Variants in RSRC1 observed in about 807,000 individuals in gnomAD.
RSRC1 encodes the protein serine/Arginine-related protein 53.
In RSRC1, 39 loss-of-function variants were observed where a neutral mutation model predicts 49.1. The ratio of observed to expected loss-of-function variants is 0.79; its 90% confidence interval spans 0.61 to 1.04. RSRC1 has a LOEUF of 1.04. Among genes scored for constraint, RSRC1 ranks in the 50% least tolerant of loss-of-function variants. The probability of loss-of-function intolerance (pLI) is 0.00; values close to 1 mark genes in which losing one functional copy is unlikely to be tolerated. For missense variants in RSRC1, 388 were observed against 402.4 expected (o/e 0.96, Z 0.31); for synonymous variants, 143 against 130.8 (o/e 1.09, Z -0.63).
At chr3:158,531,191 A>G (rs371796241) in intron 7 of RSRC1, among the ~76,000 whole-genome samples, 11 of 151,716 alleles carry the variant, frequency 7.3e-5, no homozygotes, top group African/African-American at 2.4e-4. Flanking sequence ...AGAGATTTGC[A>G]AGGCAGCATA....
intron 3 of RSRC1, among the ~76,000 whole-genome samples, chr3:158,149,351 A>G (rs1204753099): frequency 1.3e-5 from 2 of 152,116 alleles, no homozygotes; most frequent in East Asian, 1.9e-4. Flanking sequence ...TAATTCTTAT[A>G]TGGGATGAGC....
Position 158,145,962 on chromosome 3 carries a change from T to G in RSRC1, c.320+21971T>G, listed in dbSNP as rs1038107020. On this transcript the variant is annotated intron_variant, in intron 3 of 9. Transcript: ENST00000611884. ...TATTGGTGTATAAGAATGCTTGTGA[T>G]GTTTGCACATTGATTTTGTATCCTG... Among the ~76,000 whole-genome samples, 3 of 152,344 alleles carry G rather than the reference T, an allele frequency of 2.0e-5. No individual in the cohort carries two copies. In the South Asian group the frequency reaches 6.2e-4, roughly 32 times the overall value.
intron 6 of RSRC1, among the ~76,000 whole-genome samples, chr3:158,359,603 A>G (rs1400544766): frequency 6.6e-6 from 1 of 152,140 alleles, no homozygotes. Flanking sequence ...ACACGGTGGC[A>G]CCCGGAAGCT....
intron 4 of RSRC1, among the ~76,000 whole-genome samples, chr3:158,245,616 G>A (rs1396948659): frequency 2.6e-5 from 4 of 152,064 alleles, no homozygotes; most frequent in African/African-American, 9.7e-5. Context: ...ATTGTCAGTG[G>A]CTTGTTAAAG....
chr3:158,233,888 A>G (rs150739311), intron 4 of RSRC1, among the ~76,000 whole-genome samples: 2 of 152,246 alleles, frequency 1.3e-5, no homozygotes, highest in Admixed American at 6.5e-5. Flanking sequence ...AACACTTTAG[A>G]TGATGATATG....
intron 4 of RSRC1, among the ~76,000 whole-genome samples, chr3:158,226,403 G>A (rs1722535038): frequency 6.6e-6 from 1 of 151,900 alleles, no homozygotes; most frequent in Admixed American, 6.6e-5. Flanking sequence ...TAAGGCAATA[G>A]CTTAGTAATC....
At chr3:158,360,961 G>A (rs1403005704) in intron 6 of RSRC1, among the ~76,000 whole-genome samples, 2 of 152,158 alleles carry the variant, frequency 1.3e-5, no homozygotes, top group Non-Finnish European at 2.9e-5. Context: ...GGGGTTCCAG[G>A]TTCTCACTGG....
intron 5 of RSRC1, among the ~76,000 whole-genome samples, chr3:158,309,708 C>T (rs1728027376): frequency 6.6e-6 from 1 of 151,674 alleles, no homozygotes; most frequent in African/African-American, 2.4e-5. Context: ...ATTGTCAAAA[C>T]AGTTTTATCA....
intron 7 of RSRC1, among the ~76,000 whole-genome samples, chr3:158,482,703 C>T (rs1193236148): frequency 6.6e-6 from 1 of 151,960 alleles, no homozygotes; most frequent in African/African-American, 2.4e-5. Flanking sequence ...GTTATTTTTA[C>T]CTTTGTTATT....
chr3:158,451,455 G>A (rs1387998846), intron 6 of RSRC1, among the ~76,000 whole-genome samples: 1 of 151,912 alleles, frequency 6.6e-6, no homozygotes, highest in Non-Finnish European at 1.5e-5. Context: ...GAGTTTGGGG[G>A]GTATCTGCAG....
At chr3:158,165,384 A>G (rs1265118098) in intron 3 of RSRC1, among the ~76,000 whole-genome samples, 3 of 152,228 alleles carry the variant, frequency 2.0e-5, no homozygotes, top group Non-Finnish European at 4.4e-5. Flanking sequence ...TTGCATCGTT[A>G]TGTATGCACT....
intron 5 of RSRC1, among the ~76,000 whole-genome samples, chr3:158,301,273 G>C (rs1489886049): frequency 6.6e-6 from 1 of 152,050 alleles, no homozygotes; most frequent in Non-Finnish European, 1.5e-5. Context: ...TTTGAAGGCT[G>C]TTGCTCTGTT....
intron 6 of RSRC1, among the ~76,000 whole-genome samples, chr3:158,419,126 A>T (rs1394325450): frequency 6.6e-6 from 1 of 151,986 alleles, no homozygotes; most frequent in Non-Finnish European, 1.5e-5. Flanking sequence ...GTATATTTAA[A>T]TTATGTCAAT....
At chr3:158,322,355 C>G (rs1728811398) in intron 5 of RSRC1, among the ~76,000 whole-genome samples, 1 of 152,176 alleles carries the variant, frequency 6.6e-6, no homozygotes, top group Admixed American at 6.5e-5. Context: ...CCTTGGCCTC[C>G]CAAAGGGCTG....
chr3:158,497,433 A>C (rs1578546796), intron 7 of RSRC1, among the ~76,000 whole-genome samples: 4 of 118,456 alleles, frequency 3.4e-5, no homozygotes, highest in African/African-American at 6.5e-5. Context: ...CTCACAGTCC[A>C]TTGTATCATT....
intron 4 of RSRC1, among the ~76,000 whole-genome samples, chr3:158,260,557 G>T (rs976289067): frequency 3.3e-5 from 5 of 152,096 alleles, no homozygotes; most frequent in South Asian, 2.1e-4. Flanking sequence ...ACTTCCTTGG[G>T]CATCCTGGCT....
At chr3:158,205,409 A>ACATT (rs1721292064) in intron 4 of RSRC1, among the ~76,000 whole-genome samples, 1 of 152,162 alleles carries the variant, frequency 6.6e-6, no homozygotes, top group African/African-American at 2.4e-5. Context: ...TCAAATATGC[A>ACATT]CATTCATTCA....
At chr3:158,353,092 T>G (rs1339784294) in intron 5 of RSRC1, among the ~76,000 whole-genome samples, 1 of 152,178 alleles carries the variant, frequency 6.6e-6, no homozygotes, top group African/African-American at 2.4e-5. Context: ...AACCAATCAG[T>G]CCTTTTGTTT....
chr3:158,249,586 A>T (rs1015357468), intron 4 of RSRC1, among the ~76,000 whole-genome samples: 4 of 152,152 alleles, frequency 2.6e-5, no homozygotes, highest in Non-Finnish European at 5.9e-5. Context: ...ATTCATGTAT[A>T]AGTCTTTGTA....
Sources: allele counts gnomAD v4.1 joint callset (sites outside exome capture counted in the v4.1 genomes callset), GRCh38; gene constraint gnomAD v4.1.1; transcripts MANE v1.5; gene names NCBI Gene and HGNC (gene_info 2026-07-23, HGNC 2026-07-21).